Variants in TTLL13 observed in about 807,000 individuals in gnomAD.
The protein encoded by TTLL13 is tubulin polyglutamylase TTLL13.
the TTLL13 span, chr15:90,261,902 G>A: frequency 4.0e-6 from 4 of 994,366 alleles, no homozygotes; most frequent in Non-Finnish European, 5.6e-6. Flanking sequence ...GGCCCAGGAG[G>A]TCAAGAAGCC....
chr15:90,257,212 C>T, the TTLL13 span: 1 of 1,613,836 alleles, frequency 6.2e-7, no homozygotes, highest in Non-Finnish European at 8.5e-7. Flanking sequence ...CTCTCCGGAT[C>T]TTCACATATG....
chr15:90,256,572 T>TC, the TTLL13 span, among the ~76,000 whole-genome samples: 454 of 30,662 alleles, frequency 0.015, 2 homozygotes, highest in African/African-American at 0.054. Context: ...TTTCTTTCTT[T>TC]CTTTCTTTCT....
At chr15:90,255,756 A>G in the TTLL13 span, 3 of 1,614,046 alleles carry the variant, frequency 1.9e-6, no homozygotes, top group Admixed American at 3.3e-5. Context: ...GTGTTTCAGA[A>G]AATCAACCAC....
At chr15:90,258,410 G>C in the TTLL13 span, 2 of 757,076 alleles carry the variant, frequency 2.6e-6, no homozygotes, top group Non-Finnish European at 4.4e-6. Context: ...ATGAGCAGAA[G>C]GCATAAGATC....
At chr15:90,261,885 G>A in the TTLL13 span, 26 of 763,644 alleles carry the variant, frequency 3.4e-5, no homozygotes, top group African/African-American at 4.3e-4. Context: ...TTCCCTACTT[G>A]GGCAGGGGCC....
the TTLL13 span, among the ~76,000 whole-genome samples, chr15:90,251,305 T>G: frequency 6.7e-6 from 1 of 148,170 alleles, no homozygotes; most frequent in Non-Finnish European, 1.5e-5. Context: ...TTTGTATTTT[T>G]AGTAGAGACA....
the TTLL13 span, chr15:90,264,699 A>T: frequency 3.9e-6 from 6 of 1,534,278 alleles, no homozygotes; most frequent in Non-Finnish European, 5.2e-6. Context: ...CAACTCAGGG[A>T]CATCCATGTT....
the TTLL13 span, chr15:90,258,452 G>T: frequency 1.5e-6 from 1 of 650,228 alleles, no homozygotes. Context: ...GTCAAATCTT[G>T]GTGGTTTTTG....
At chr15:90,262,376 G>C in the TTLL13 span, 6 of 1,214,674 alleles carry the variant, frequency 4.9e-6, no homozygotes, top group Non-Finnish European at 6.6e-6. Context: ...CATTGCTCTC[G>C]CATCAGTCCT....
At chr15:90,264,236 G>A in the TTLL13 span, among the ~76,000 whole-genome samples, 1 of 152,236 alleles carries the variant, frequency 6.6e-6, no homozygotes, top group South Asian at 2.1e-4. Context: ...CTGTCGCCAA[G>A]GCTGAAGTAC....
the TTLL13 span, chr15:90,258,471 C>G: frequency 1.3e-5 from 8 of 628,078 alleles, no homozygotes; most frequent in Non-Finnish European, 1.9e-5. Flanking sequence ...TGGCCTCTAC[C>G]GTAGGAATGC....
the TTLL13 span, among the ~76,000 whole-genome samples, chr15:90,251,875 TTTTA>T: frequency 7.3e-5 from 11 of 150,692 alleles, no homozygotes; most frequent in Admixed American, 7.3e-4. Flanking sequence ...CCTTCCCAGA[TTTTA>T]TTTATTTATT....
chr15:90,251,572 G>A, the TTLL13 span: 1 of 1,613,864 alleles, frequency 6.2e-7, no homozygotes, highest in South Asian at 1.1e-5. Flanking sequence ...CCATCAACCT[G>A]ACCAACTGCA....
At chr15:90,259,054 T>A in the TTLL13 span, 47 of 1,521,206 alleles carry the variant, frequency 3.1e-5, no homozygotes, top group Non-Finnish European at 3.1e-5. Flanking sequence ...AGATAATATG[T>A]TCATATTTGC....
the TTLL13 span, among the ~76,000 whole-genome samples, chr15:90,250,223 T>TGCTG: frequency 1.3e-5 from 2 of 152,118 alleles, no homozygotes; most frequent in Non-Finnish European, 2.9e-5. Context: ...CCTCCCAACG[T>TGCTG]GCTGGGCCGA....
At chr15:90,262,577 G>C in the TTLL13 span, 1 of 1,534,920 alleles carries the variant, frequency 6.5e-7, no homozygotes, top group Non-Finnish European at 8.7e-7. Flanking sequence ...CCAGAACCAG[G>C]GTGAATCAGC....
chr15:90,250,787 C>T, the TTLL13 span: 86 of 1,614,166 alleles, frequency 5.3e-5, no homozygotes, highest in Non-Finnish European at 7.2e-5. Flanking sequence ...AAATGGGGTT[C>T]CCTCACCCAT....
At chr15:90,262,898 G>C in the TTLL13 span, 45 of 1,469,894 alleles carry the variant, frequency 3.1e-5, no homozygotes, top group Non-Finnish European at 3.9e-5. Context: ...GAGGCCTGTA[G>C]CCATCCTGGG....
chr15:90,263,576 T>A, the TTLL13 span: 1 of 567,840 alleles, frequency 1.8e-6, no homozygotes, highest in Non-Finnish European at 3.1e-6. Flanking sequence ...TTCCCTGGGC[T>A]GGTAGCAAAC....
Sources: allele counts gnomAD v4.1 joint callset (sites outside exome capture counted in the v4.1 genomes callset), GRCh38; gene constraint gnomAD v4.1.1; transcripts MANE v1.5; gene names NCBI Gene and HGNC (gene_info 2026-07-23, HGNC 2026-07-21).